The following CNTN1 variants were observed in gnomAD, a reference collection of about 807,000 sequenced individuals.
The protein encoded by CNTN1 is contactin-1.
In CNTN1, 38 loss-of-function variants were observed where a neutral mutation model predicts 126.4. The observed-to-expected ratio is 0.30, with a 90% CI of 0.23 to 0.39. The LOEUF is 0.39. CNTN1 is among the 10% of genes least tolerant of loss of function. The pLI is 1.00. For synonymous variants in CNTN1, 413 were observed against 422.6 expected (o/e 0.98, Z 0.28); for missense variants, 1,009 against 1,248.4 (o/e 0.81, Z 2.89).
intron 1 of CNTN1, among the ~76,000 whole-genome samples, chr12:40,889,746 T>C (rs1033949660): frequency 6.6e-6 from 1 of 152,210 alleles, no homozygotes; most frequent in African/African-American, 2.4e-5. Context: ...ACCTATCATA[T>C]GTACTCCAGT....
intron 17 of CNTN1, among the ~76,000 whole-genome samples, chr12:40,995,024 AG>A (rs1592375389): frequency 1.3e-5 from 2 of 152,218 alleles, no homozygotes; most frequent in East Asian, 1.9e-4. Context: ...ACATGAGCAT[AG>A]GACTACCTAT....
chr12:40,706,251 T>C (rs1482772691), intron 1 of CNTN1, among the ~76,000 whole-genome samples: 1 of 147,034 alleles, frequency 6.8e-6, no homozygotes, highest in Non-Finnish European at 1.5e-5. Context: ...TATCTCCTAA[T>C]GCTTTCCCTC....
At chr12:40,694,928 G>A (rs1286493882) in intron 1 of CNTN1, among the ~76,000 whole-genome samples, 2 of 152,062 alleles carry the variant, frequency 1.3e-5, no homozygotes. Context: ...TTAATAAACA[G>A]GGCTACTGGT....
rs370984371 is a variant in CNTN1, at chr12:40,707,227, C to CTTTTTTTTTTTTTT, written c.-77+14661_-77+14674dup. ...TTCCTCTTTCATTTCTTTTCTTTTT[C>CTTTTTTTTTTTTTT]TTTTTTTTTTTTTTTTTTTTTTTTT... is the stretch of plus-strand genomic sequence containing the variant. On this transcript the variant is annotated intron_variant, in intron 1 of 23. Coordinates refer to ENST00000551295, the MANE Select transcript of CNTN1 (RefSeq NM_001843.4). Among the ~76,000 whole-genome samples, 76 of 109,172 alleles carry CTTTTTTTTTTTTTT rather than the reference C, an allele frequency of 7.0e-4. 3 individuals carry two copies. The highest frequency in any genetic ancestry group is 1.6e-3 in the African/African-American group (41 of 26,094). The allele number at this position is 109,172 out of a possible 152,430, so 71.6% of individuals were successfully genotyped here.
rs771392668 is a variant in CNTN1, at chr12:40,779,507, A to AT, written c.-77+86922dup. 2.6e-5 allele frequency among the ~76,000 whole-genome samples: 4 copies of AT among 151,964 alleles called. No individual in the cohort carries two copies. In the East Asian group the frequency reaches 5.8e-4, roughly 22 times the overall value. On this transcript the variant is annotated intron_variant, in intron 1 of 23. Coordinates refer to ENST00000551295, the MANE Select transcript of CNTN1 (RefSeq NM_001843.4). ...ATAAACAGCAAACCTTAAGAGATTA[A>AT]TTTTTTTATTGAGCTTTCCGAAGTC...
chr12:40,724,595 C>T (rs965043266), intron 1 of CNTN1, among the ~76,000 whole-genome samples: 4 of 152,180 alleles, frequency 2.6e-5, no homozygotes, highest in African/African-American at 7.2e-5. Context: ...AAGAACCTAT[C>T]TCAATACTCA....
intron 1 of CNTN1, among the ~76,000 whole-genome samples, chr12:40,770,349 T>C (rs1939289117): frequency 6.6e-6 from 1 of 152,136 alleles, no homozygotes; most frequent in Non-Finnish European, 1.5e-5. Flanking sequence ...TAAAATCTCT[T>C]TGAGTCTTTT....
chr12:40,934,661 C>A (rs1946018865), intron 9 of CNTN1, among the ~76,000 whole-genome samples: 1 of 152,058 alleles, frequency 6.6e-6, no homozygotes, highest in African/African-American at 2.4e-5. Context: ...TCCCATTTCA[C>A]TTTCTCCCGT....
intron 1 of CNTN1, among the ~76,000 whole-genome samples, chr12:40,890,080 T>C (rs997304824): frequency 6.6e-6 from 1 of 152,208 alleles, no homozygotes; most frequent in Admixed American, 6.5e-5. Flanking sequence ...ATTCTGAGAA[T>C]AACATTAGAT....
chr12:41,013,621 T>G (rs1057039481), intron 17 of CNTN1, among the ~76,000 whole-genome samples: 2 of 151,904 alleles, frequency 1.3e-5, no homozygotes, highest in Admixed American at 1.3e-4. Flanking sequence ...AAGAAAGCAG[T>G]ATGACAGAAA....
intron 23 of CNTN1, among the ~76,000 whole-genome samples, chr12:41,029,656 A>G (rs995782275): frequency 3.3e-5 from 5 of 152,196 alleles, no homozygotes; most frequent in South Asian, 2.1e-4. Context: ...ATTGAATACT[A>G]TATAATACTA....
intron 15 of CNTN1, among the ~76,000 whole-genome samples, chr12:40,961,846 G>A (rs1303422600): frequency 6.6e-6 from 1 of 152,032 alleles, no homozygotes; most frequent in Admixed American, 6.6e-5. Flanking sequence ...GCTTTTAAAA[G>A]ATTCGATTTG....
At chr12:41,055,784 A>G (rs1446381108) in intron 23 of CNTN1, among the ~76,000 whole-genome samples, 1 of 152,100 alleles carries the variant, frequency 6.6e-6, no homozygotes, top group Non-Finnish European at 1.5e-5. Context: ...TAGCATCTTT[A>G]TCTATAAGTT....
intron 23 of CNTN1, among the ~76,000 whole-genome samples, chr12:41,060,595 C>T (rs1449227007): frequency 6.6e-6 from 1 of 152,180 alleles, no homozygotes; most frequent in Admixed American, 6.5e-5. Context: ...GTGTATTTCA[C>T]AAAGTTGGGG....
intron 1 of CNTN1, among the ~76,000 whole-genome samples, chr12:40,695,958 G>A (rs1191063426): frequency 6.6e-6 from 1 of 152,148 alleles, no homozygotes; most frequent in South Asian, 2.1e-4. Flanking sequence ...ACAGGCTTTG[G>A]GAGGAAGCCT....
chr12:40,912,985 G>A (rs1945098225), intron 3 of CNTN1, among the ~76,000 whole-genome samples: 1 of 152,174 alleles, frequency 6.6e-6, no homozygotes, highest in African/African-American at 2.4e-5. Flanking sequence ...TGCCCAGCCA[G>A]GTATGTAAAA....
chr12:41,025,139 A>T lies in CNTN1; in HGVS notation c.2524-11A>T, dbSNP rs141066737. Reference sequence around the variant, plus strand: ...TCATGGCAAAATATAACTCATCCTGAATGTTTGCAGATTCGGTATTGGGCT... The same window carrying T: ...TCATGGCAAAATATAACTCATCCTGTATGTTTGCAGATTCGGTATTGGGCT... On this transcript the variant is annotated splice_polypyrimidine_tract_variant and intron_variant, in intron 20 of 23. Coordinates refer to ENST00000551295, the MANE Select transcript of CNTN1 (RefSeq NM_001843.4). The T allele has an allele frequency of 4.5e-5, 72 of 1,613,614 alleles. No individual in the cohort carries two copies. The African/African-American group carries it at 8.1e-4, about 18-fold the overall frequency.
At position 40,902,188 on chromosome 12, in the gene CNTN1, C is replaced by T. The variant is rs143592614; in HGVS notation, c.-76-6169C>T. The stretch of plus-strand genomic sequence containing the variant: ...TATGTACATATGCTGCAAAGCTTTA[C>T]ATCCACACACACATATCCATATACA... On this transcript the variant is annotated intron_variant, in intron 1 of 23. Coordinates refer to ENST00000551295, the MANE Select transcript of CNTN1 (RefSeq NM_001843.4). Among the ~76,000 whole-genome samples, 438 of 152,276 alleles carry T rather than the reference C, an allele frequency of 2.9e-3. 2 individuals carry two copies. The highest frequency in any genetic ancestry group is 0.01 in the African/African-American group (420 of 41,564).
chr12:40,837,360 G>T (rs551463966), intron 1 of CNTN1, among the ~76,000 whole-genome samples: 1 of 152,298 alleles, frequency 6.6e-6, no homozygotes, highest in South Asian at 2.1e-4. Flanking sequence ...TCAGCTGGAA[G>T]CTGGGAGTGA....
Sources: allele counts gnomAD v4.1 joint callset (sites outside exome capture counted in the v4.1 genomes callset), GRCh38; gene constraint gnomAD v4.1.1; transcripts MANE v1.5; gene names NCBI Gene and HGNC (gene_info 2026-07-23, HGNC 2026-07-21).